Variants in RNF212B observed in about 807,000 individuals in gnomAD.
The protein encoded by RNF212B is ring finger protein 212B, also known as E3 ubiquitin-protein ligase RNF212B.
In RNF212B, 52 loss-of-function variants were observed where a neutral mutation model predicts 55.5. The ratio of observed to expected loss-of-function variants is 0.94; its 90% confidence interval spans 0.75 to 1.18. RNF212B has a LOEUF of 1.18. RNF212B is among the 50% of genes most tolerant of loss of function. The probability of loss-of-function intolerance (pLI) is 0.00; values close to 1 mark genes in which losing one functional copy is unlikely to be tolerated. For missense variants in RNF212B, 289 were observed against 350.4 expected, an observed-to-expected ratio of 0.82 and a Z score of 1.40; for synonymous variants, 99 against 121.4, an observed-to-expected ratio of 0.82 and a Z score of 1.21.
chr14:23,185,965 T>C (rs1013610307), intron 1 of RNF212B, among the ~76,000 whole-genome samples: 3 of 152,142 alleles, frequency 2.0e-5, no homozygotes, highest in Admixed American at 6.5e-5. Context: ...CTGGGTGTGG[T>C]GGCTCACGCC....
intron 3 of RNF212B, 126 bp downstream of exon 3, chr14:23,243,434 G>T: frequency 1.2e-6 from 1 of 861,764 alleles, no homozygotes; most frequent in Non-Finnish European, 1.8e-6. Flanking sequence ...GGTGGCTCAG[G>T]CCTGTAATCC....
At chr14:23,211,873 C>A (rs1350777040) in intron 2 of RNF212B, among the ~76,000 whole-genome samples, 1 of 152,122 alleles carries the variant, frequency 6.6e-6, no homozygotes, top group African/African-American at 2.4e-5. Context: ...CAGGCACATG[C>A]CACCATACCT....
intron 4 of RNF212B, among the ~76,000 whole-genome samples, chr14:23,244,612 A>G (rs1259060866): frequency 6.6e-6 from 1 of 152,196 alleles, no homozygotes; most frequent in Non-Finnish European, 1.5e-5. Flanking sequence ...TAAGTAGCTA[A>G]CATCTTGCCT....
intron 11 of RNF212B, among the ~76,000 whole-genome samples, chr14:23,267,481 T>G (rs1217528027): frequency 6.6e-6 from 1 of 151,870 alleles, no homozygotes; most frequent in African/African-American, 2.4e-5. Flanking sequence ...TTGGCTAGAG[T>G]GCAGTGGCAA....
chr14:23,246,227 AG>A (rs1416199643), intron 4 of RNF212B, among the ~76,000 whole-genome samples: 44 of 151,468 alleles, frequency 2.9e-4, no homozygotes, highest in Non-Finnish European at 1.3e-4. Context: ...CTCTGCCTCC[AG>A]GGTTCAAGCG....
chr14:23,252,657 G>A (rs147266144), intron 4 of RNF212B, among the ~76,000 whole-genome samples: 1 of 152,266 alleles, frequency 6.6e-6, no homozygotes, highest in African/African-American at 2.4e-5. Flanking sequence ...GGGGATCATT[G>A]ATTGGTTAAG....
chr14:23,253,804 G>T (rs1271466749), intron 4 of RNF212B, among the ~76,000 whole-genome samples: 1 of 152,192 alleles, frequency 6.6e-6, no homozygotes, highest in East Asian at 1.9e-4. Flanking sequence ...ATTATGGAAT[G>T]AGGGAGTTTC....
In RNF212B at chr14:23,269,915, A is replaced by G. The variant is rs1357254350; in HGVS notation, c.727A>G (p.Asn243Asp). 5 of 1,550,038 alleles carry G rather than the reference A, an allele frequency of 3.2e-6. No homozygotes were observed. In the South Asian group the frequency reaches 4.8e-5, roughly 15 times the overall value. Reference sequence around the variant, plus strand: ...GATTTTTTCTTTCAGACCATCCCCAAATGGGCATTCAGGCCACACAAGAGT... The same window carrying G: ...GATTTTTTCTTTCAGACCATCCCCAGATGGGCATTCAGGCCACACAAGAGT... Reference protein sequence around the residue: ...QGIFSFRPSPNGHSGHTRVLT... With the variant: ...QGIFSFRPSPDGHSGHTRVLT... Residue 243 changes from asparagine (N) to aspartate (D), a missense_variant, in exon 13 of 15, where the codon AAT becomes GAT. Asn to Asp is a conservative substitution (Grantham distance 23). Transcript: ENST00000430154.
Position 23,263,073 on chromosome 14 carries a change from T to G in RNF212B, c.524+103T>G, listed in dbSNP as rs77087749. The G allele has an allele frequency of 5.4e-5, 58 of 1,075,376 alleles. No homozygotes were observed. The Middle Eastern group carries it at 6.0e-4, about 11-fold the overall frequency. 66.6% of individuals were successfully genotyped at this position (1,075,376 alleles called of 1,614,324 possible). On this transcript the variant is annotated intron_variant, in intron 9 of 14. Transcript: ENST00000430154. The stretch of plus-strand genomic sequence containing the variant: ...GGACTGATGAAATTTTAGGTCTATG[T>G]AGAAGTTTAAAGCTAGGGTTTTTTT...
rs1018844885 is a variant in RNF212B, at chr14:23,188,311, G to A, written c.-79+2821G>A. ...ACTGCCTGTGGCAGGCCAGATCTCC[G>A]CATTTTCTTGATTCTTTTGCTGGGT... On this transcript the variant is annotated intron_variant, in intron 1 of 15. Coordinates refer to the RNF212B transcript ENST00000399910. The A allele has an allele frequency of 2.8e-4, 43 of 152,148 alleles. 1 individual carries two copies. Among genetic ancestry groups the A allele is most frequent in the Admixed American group, 1.5e-3 (23 of 15,272 alleles). 9.4% of individuals were successfully genotyped at this position (152,148 alleles called of 1,614,324 possible).
intron 5 of RNF212B, chr14:23,259,430 T>C (rs1004874260): frequency 6.8e-6 from 1 of 147,714 alleles, no homozygotes; most frequent in Non-Finnish European, 1.5e-5. Context: ...ATCCTTTTTT[T>C]TTCTTCTTTT....
chr14:23,192,819 C>G (rs561628887), intron 1 of RNF212B, among the ~76,000 whole-genome samples: 1 of 151,954 alleles, frequency 6.6e-6, no homozygotes, highest in South Asian at 2.1e-4. Context: ...TGGCCAGGTG[C>G]GGTGGCTCAT....
intron 11 of RNF212B, among the ~76,000 whole-genome samples, chr14:23,268,124 CTGAGCTCCAAGTCCTGGTGAACT>C (rs1423193501): frequency 7.2e-5 from 11 of 152,216 alleles, no homozygotes; most frequent in African/African-American, 2.2e-4. Context: ...TTGGTAAGCT[CTGAGCTCCAAGTCCTGGTGAACT>C]TGAGCTCCAA....
intron 2 of RNF212B, among the ~76,000 whole-genome samples, chr14:23,206,610 C>T (rs927115431): frequency 2.0e-5 from 3 of 152,054 alleles, no homozygotes; most frequent in Admixed American, 2.0e-4. Flanking sequence ...GTTTCACAAA[C>T]CTAGGCAGTT....
intron 9 of RNF212B, among the ~76,000 whole-genome samples, chr14:23,263,542 T>C (rs1454046048): frequency 6.6e-6 from 1 of 152,164 alleles, no homozygotes; most frequent in East Asian, 1.9e-4. Flanking sequence ...AAGTTTATGC[T>C]GAAAGATGGA....
At chr14:23,270,729 C>A in intron 14 of RNF212B, 68 bp downstream of exon 14, 4 of 1,043,416 alleles carry the variant, frequency 3.8e-6, no homozygotes, top group South Asian at 1.3e-5. Context: ...ACACTAAATG[C>A]CTCAGGGTAG....
At chr14:23,188,001 G>A (rs974218177) in intron 1 of RNF212B, 1 of 152,184 alleles carries the variant, frequency 6.6e-6, no homozygotes, top group Non-Finnish European at 1.5e-5. Context: ...GAGGAGACTC[G>A]GTCAGTGATT....
intron 4 of RNF212B, among the ~76,000 whole-genome samples, chr14:23,257,594 G>A (rs1326491698): frequency 6.6e-6 from 1 of 152,178 alleles, no homozygotes; most frequent in Non-Finnish European, 1.5e-5. Context: ...CAGGGAGGAA[G>A]CAGATGAGAC....
intron 2 of RNF212B, among the ~76,000 whole-genome samples, chr14:23,215,030 T>C (rs1376090944): frequency 1.3e-5 from 2 of 152,230 alleles, no homozygotes; most frequent in Non-Finnish European, 2.9e-5. Context: ...CCCACACAAA[T>C]CTCATCTTGA....
Sources: gnomAD v4.1 joint callset for allele counts (sites outside exome capture counted in the v4.1 genomes callset) on GRCh38, gnomAD v4.1.1 for gene constraint, MANE v1.5 for transcripts, NCBI Gene and HGNC (gene_info 2026-07-23, HGNC 2026-07-21) for gene names.